The following ECT2L variants were observed in gnomAD, a reference collection of about 807,000 sequenced individuals.
The protein encoded by ECT2L is epithelial cell transforming 2 like.
A neutral mutation model predicts 122.8 loss-of-function variants in ECT2L; 126 were observed. The ratio of observed to expected loss-of-function variants is 1.03; its 90% CI spans 0.89 to 1.19. ECT2L has a LOEUF of 1.19. Ranked by LOEUF, ECT2L falls within the 50% of genes most tolerant of loss-of-function variation. The pLI, the probability that ECT2L is intolerant of heterozygous loss-of-function variation, is 0.00. For synonymous variants in ECT2L, 385 were observed against 381.8 expected, an observed-to-expected ratio of 1.01 and a Z score of -0.10; for missense variants, 1,012 against 1,064.1, an observed-to-expected ratio of 0.95 and a Z score of 0.68.
At chr6:138,884,502 G>A (rs1457389138) in intron 16 of ECT2L, among the ~76,000 whole-genome samples, 1 of 152,000 alleles carries the variant, frequency 6.6e-6, no homozygotes, top group East Asian at 1.9e-4. Context: ...GCCAGGCATG[G>A]TGGCGGGCAC....
At chr6:138,900,639 C>A (rs192408078) in intron 20 of ECT2L, among the ~76,000 whole-genome samples, 3 of 152,308 alleles carry the variant, frequency 2.0e-5, no homozygotes, top group Admixed American at 2.0e-4. Context: ...CAAAGTAATT[C>A]ATTTCATAAA....
intron 5 of ECT2L, among the ~76,000 whole-genome samples, chr6:138,839,117 T>C (rs1776951831): frequency 6.6e-6 from 1 of 152,174 alleles, no homozygotes. Flanking sequence ...TGATTTATGC[T>C]TTAGATTTTG....
intron 4 of ECT2L, among the ~76,000 whole-genome samples, chr6:138,831,876 T>C (rs1010514925): frequency 6.6e-6 from 1 of 152,184 alleles, no homozygotes; most frequent in Non-Finnish European, 1.5e-5. Context: ...TGAGAAGAGA[T>C]ATTCAAATTA....
intron 4 of ECT2L, among the ~76,000 whole-genome samples, chr6:138,835,443 T>C (rs1231625264): frequency 6.6e-6 from 1 of 151,660 alleles, no homozygotes; most frequent in African/African-American, 2.4e-5. Flanking sequence ...CCCCAGCAAT[T>C]TGGGAGGCTG....
chr6:138,798,020 T>C (rs1372438344), intron 1 of ECT2L, among the ~76,000 whole-genome samples: 1 of 152,236 alleles, frequency 6.6e-6, no homozygotes, highest in East Asian at 1.9e-4. Flanking sequence ...TACTTATGTT[T>C]GCCCATTTAT....
At position 138,890,492 on chromosome 6, in the gene ECT2L, C is replaced by CTTTTTTTTTTTTTTTTTTTTTT. The variant is rs552594959; in HGVS notation, c.2414+1468_2414+1489dup. ...TCATGACATTTTTGTTTTCTTTGAT[C>CTTTTTTTTTTTTTTTTTTTTTT]TTTTTTTTTTTTTTTTTTTTTTTTT... On this transcript the variant is annotated intron_variant, in intron 20 of 21. Transcript: ENST00000541398. Among the ~76,000 whole-genome samples, 25 of 78,986 alleles carry CTTTTTTTTTTTTTTTTTTTTTT rather than the reference C, an allele frequency of 3.2e-4. 4 individuals carry two copies. The highest frequency in any genetic ancestry group is 2.6e-3 in the East Asian group (4 of 1,560). The allele number at this position is 78,986 out of a possible 152,430, so 51.8% of individuals were successfully genotyped here. A position where few individuals can be genotyped will look rare whatever the true frequency, so the allele number is the denominator to read the frequency against.
chr6:138,890,674 CT>C (rs1225012412), intron 20 of ECT2L, among the ~76,000 whole-genome samples: 2 of 151,822 alleles, frequency 1.3e-5, no homozygotes, highest in Non-Finnish European at 2.9e-5. Context: ...TTCTCAAACA[CT>C]CTTCCTTTCT....
chr6:138,834,935 A>ACACACACACTCT lies in ECT2L; in HGVS notation c.180-3416_180-3415insACACACACTCTC, dbSNP rs5880405. On this transcript the variant is annotated intron_variant, in intron 4 of 21. Coordinates refer to ENST00000541398, the MANE Select transcript of ECT2L (RefSeq NM_001077706.3). ...CACACACACACACACACACACACAC[A>ACACACACACTCT]CTCTCATTCTCTCTCTCTGTCTCTT... Among the ~76,000 whole-genome samples the ACACACACACTCT allele has an allele frequency of 3.5e-3, 493 of 142,848 alleles. 3 individuals are homozygous for ACACACACACTCT. Among genetic ancestry groups the ACACACACACTCT allele is most frequent in the African/African-American group, 0.01 (377 of 37,634 alleles). 93.7% of individuals were successfully genotyped at this position (142,848 alleles called of 152,430 possible).
intron 13 of ECT2L, chr6:138,870,368 C>T (rs1778209613): frequency 6.6e-6 from 1 of 152,550 alleles, no homozygotes; most frequent in Non-Finnish European, 1.5e-5. Context: ...TAGAGTTAGG[C>T]ACATGTGATA....
At chr6:138,863,439 T>A (rs903582892) in intron 11 of ECT2L, among the ~76,000 whole-genome samples, 2 of 152,192 alleles carry the variant, frequency 1.3e-5, no homozygotes, top group African/African-American at 4.8e-5. Flanking sequence ...TTTGTAGATA[T>A]AACAAAAGTG....
At chr6:138,875,397 T>A (rs1371434411) in intron 13 of ECT2L, among the ~76,000 whole-genome samples, 2 of 152,218 alleles carry the variant, frequency 1.3e-5, no homozygotes, top group Non-Finnish European at 2.9e-5. Flanking sequence ...GGTTACAAAT[T>A]GAAGTTATTC....
Position 138,813,240 on chromosome 6 carries a change from C to A in ECT2L, c.-35C>A. ...AGAAGTGGAAGAAAATTTGCTGAGA[C>A]GTCAGCTGGGGATTCTTCCTGGAGA... On this transcript the variant is annotated 5_prime_UTR_variant, in exon 3 of 22. Transcript: ENST00000541398. 2 of 1,566,906 alleles carry A rather than the reference C, an allele frequency of 1.3e-6. No individual in the cohort carries two copies. Among genetic ancestry groups the A allele is most frequent in the Non-Finnish European group, 1.7e-6 (2 of 1,152,296 alleles).
chr6:138,890,752 TGTTCTACTA>T (rs1157906235), intron 20 of ECT2L, among the ~76,000 whole-genome samples: 1 of 152,148 alleles, frequency 6.6e-6, no homozygotes, highest in African/African-American at 2.4e-5. Context: ...CATTTCTTAA[TGTTCTACTA>T]GGGTCAATGA....
chr6:138,896,409 G>A (rs553902488), intron 20 of ECT2L, among the ~76,000 whole-genome samples: 2 of 152,286 alleles, frequency 1.3e-5, no homozygotes, highest in Admixed American at 6.5e-5. Flanking sequence ...AAGATACACT[G>A]TAAACTTTCC....
chr6:138,840,550 T>A (rs966951697), intron 5 of ECT2L, among the ~76,000 whole-genome samples: 1 of 152,040 alleles, frequency 6.6e-6, no homozygotes, highest in African/African-American at 2.4e-5. Flanking sequence ...CTTAGAGGAT[T>A]ATTTCAATAC....
intron 1 of ECT2L, among the ~76,000 whole-genome samples, chr6:138,802,621 T>C (rs1775582176): frequency 6.6e-6 from 1 of 152,212 alleles, no homozygotes; most frequent in African/African-American, 2.4e-5. Flanking sequence ...TCCTGTTTTC[T>C]GGGGAAATAC....
chr6:138,902,264 C>T (rs768915094), intron 21 of ECT2L, among the ~76,000 whole-genome samples: 2 of 152,206 alleles, frequency 1.3e-5, no homozygotes, highest in African/African-American at 2.4e-5. Context: ...ATCACATCAT[C>T]TATCCGTTAG....
chr6:138,818,796 C>G (rs901820773), intron 4 of ECT2L, among the ~76,000 whole-genome samples: 1 of 151,934 alleles, frequency 6.6e-6, no homozygotes. Flanking sequence ...ACAGGACTCT[C>G]GCTGATGACA....
chr6:138,896,091 A>AGT (rs1255944186), intron 20 of ECT2L, among the ~76,000 whole-genome samples: 3 of 141,966 alleles, frequency 2.1e-5, no homozygotes, highest in African/African-American at 5.5e-5. Context: ...TTCATTGCTG[A>AGT]ATTTTTTTTT....
Sources: allele counts gnomAD v4.1 joint callset (sites outside exome capture counted in the v4.1 genomes callset), GRCh38; gene constraint gnomAD v4.1.1; transcripts MANE v1.5; gene names NCBI Gene and HGNC (gene_info 2026-07-23, HGNC 2026-07-21).